The following AFF2 variants were observed in gnomAD, a reference collection of about 807,000 sequenced individuals.
The protein encoded by AFF2 is AF4/FMR2 family member 2.
Under a neutral mutation model 76.9 loss-of-function variants are expected in AFF2, and 14 were observed. The ratio of observed to expected loss-of-function variants is 0.18; its 90% CI spans 0.12 to 0.28. AFF2 has a LOEUF of 0.28. AFF2 is among the 10% of genes least tolerant of loss of function. The probability of loss-of-function intolerance (pLI) is 1.00; values close to 1 mark genes in which losing one functional copy is unlikely to be tolerated. For synonymous variants in AFF2, 398 were observed against 366.7 expected, an observed-to-expected ratio of 1.09 and a Z score of -0.98; for missense variants, 868 against 1,001.1, an observed-to-expected ratio of 0.87 and a Z score of 1.79.
intron 4 of AFF2, among the ~76,000 whole-genome samples, chrX:148,834,505 ATGTGTGTGTGTGTGTG>A (rs61709112): frequency 2.8e-4 from 26 of 91,687 alleles, no homozygotes; most frequent in African/African-American, 2.4e-4. Context: ...CCAGTCTCAG[ATGTGTGTGTGTGTGTG>A]TGTGTGTGTG....
chrX:148,825,018 A>C (rs1256586296), intron 4 of AFF2, among the ~76,000 whole-genome samples: 2 of 111,244 alleles, frequency 1.8e-5, no homozygotes, highest in Admixed American at 9.6e-5. Context: ...ACTCACTCTG[A>C]GGTGACAGAC....
At chrX:148,806,758 GT>G (rs2070140453) in intron 3 of AFF2, among the ~76,000 whole-genome samples, 1 of 111,951 alleles carries the variant, frequency 8.9e-6, no homozygotes, top group African/African-American at 3.3e-5. Context: ...GTTTCTAATT[GT>G]TTGTTTTCCT....
At chrX:148,824,574 C>A (rs1399238843) in intron 4 of AFF2, among the ~76,000 whole-genome samples, 1 of 111,376 alleles carries the variant, frequency 9.0e-6, no homozygotes, top group Non-Finnish European at 1.9e-5. Context: ...CCATAAAGTT[C>A]GAGAATAAAA....
chrX:148,811,404 G>A (rs1214544237), intron 4 of AFF2, among the ~76,000 whole-genome samples: 2 of 111,341 alleles, frequency 1.8e-5, no homozygotes, highest in Non-Finnish European at 3.8e-5. Flanking sequence ...GGGGCCCGAC[G>A]TTTTGGGTGG....
intron 1 of AFF2, among the ~76,000 whole-genome samples, chrX:148,537,171 A>G (rs2052794944): frequency 8.9e-6 from 1 of 112,336 alleles, no homozygotes; most frequent in Admixed American, 9.4e-5. Context: ...TTTCTTGCTT[A>G]AAAATATTTC....
At chrX:148,990,438 T>A (rs1557292135) in intron 20 of AFF2, among the ~76,000 whole-genome samples, 1 of 112,439 alleles carries the variant, frequency 8.9e-6, no homozygotes, top group Non-Finnish European at 1.9e-5. Flanking sequence ...AATTCGTACA[T>A]GAAAAGGGAA....
At chrX:148,502,577 A>G (rs782555455) in intron 1 of AFF2, among the ~76,000 whole-genome samples, 1 of 112,868 alleles carries the variant, frequency 8.9e-6, no homozygotes. Context: ...TTGTTACATT[A>G]AAAAATGCTG....
Position 148,997,410 on chromosome X carries a change from C to A in AFF2, c.*6078C>A, listed in dbSNP as rs1398615409. 1 of 111,903 alleles carries A rather than the reference C, an allele frequency of 8.9e-6. No homozygotes were observed. Among genetic ancestry groups the A allele is most frequent in the Non-Finnish European group, 1.9e-5 (1 of 53,218 alleles). 9.2% of individuals were successfully genotyped at this position (111,903 alleles called of 1,213,427 possible). A position where few individuals can be genotyped will look rare whatever the true frequency, so the allele number is the denominator to read the frequency against. On this transcript the variant is annotated 3_prime_UTR_variant, in exon 21 of 21. Coordinates refer to ENST00000370460, the MANE Select transcript of AFF2 (RefSeq NM_002025.4). ...AAGAATTCATTCTCCTGGTCCTGTGCATCTTCTGCAGTTAATAAGAGGTTT... is the reference window on the plus strand; with the variant it reads ...AAGAATTCATTCTCCTGGTCCTGTGAATCTTCTGCAGTTAATAAGAGGTTT...
chrX:148,888,198 C>G (rs782539309), intron 8 of AFF2, among the ~76,000 whole-genome samples: 2 of 111,152 alleles, frequency 1.8e-5, no homozygotes, highest in African/African-American at 3.3e-5. Context: ...TCCCCCTCCC[C>G]CTAACCCCGA....
intron 3 of AFF2, among the ~76,000 whole-genome samples, chrX:148,754,696 T>C (rs1316761759): frequency 4.5e-5 from 5 of 111,494 alleles, no homozygotes; most frequent in Non-Finnish European, 1.9e-5. Context: ...TTATACATTG[T>C]TGAAGGAACA....
rs201101666 is a variant in AFF2 at position 148,581,565 on chromosome X, T to C, written c.48-70434T>C. Among the ~76,000 whole-genome samples, 189 of 22,518 alleles carry C rather than the reference T, an allele frequency of 8.4e-3. 39 individuals carry two copies. The highest frequency in any genetic ancestry group is 0.029 in the Middle Eastern group (1 of 35). The allele number at this position is 22,518 out of a possible 115,157, so 19.6% of individuals were successfully genotyped here. ...ATACGTCTACGTGTACACACATATA[T>C]ACGTATACGTATACGTGTACACACA... On this transcript the variant is annotated intron_variant, in intron 1 of 20. Transcript: ENST00000370460.
chrX:148,827,424 T>C (rs1034551803), intron 4 of AFF2, among the ~76,000 whole-genome samples: 1 of 111,957 alleles, frequency 8.9e-6, no homozygotes, highest in Non-Finnish European at 1.9e-5. Flanking sequence ...ATGCCTTGTG[T>C]ACTTCTTTGA....
chrX:148,636,018 T>G (rs1460779576), intron 1 of AFF2, among the ~76,000 whole-genome samples: 3 of 109,390 alleles, frequency 2.7e-5, no homozygotes, highest in Non-Finnish European at 5.7e-5. Flanking sequence ...AGTGTGTGGA[T>G]ATATATATAT....
chrX:148,740,561 T>C (rs1207133087), intron 3 of AFF2, among the ~76,000 whole-genome samples: 1 of 112,291 alleles, frequency 8.9e-6, no homozygotes, highest in Non-Finnish European at 1.9e-5. Flanking sequence ...ACTTCTTGTA[T>C]CATTTTTTGG....
chrX:148,697,662 A>G (rs1180416424), intron 3 of AFF2, among the ~76,000 whole-genome samples: 2 of 110,632 alleles, frequency 1.8e-5, no homozygotes, highest in Non-Finnish European at 3.8e-5. Flanking sequence ...CCCATTAGAA[A>G]AAAAAAAAGA....
chrX:148,655,947 G>T (rs948220597), intron 2 of AFF2, among the ~76,000 whole-genome samples: 1 of 111,918 alleles, frequency 8.9e-6, no homozygotes, highest in Admixed American at 9.4e-5. Flanking sequence ...GGTGGGTCAA[G>T]ACTTTCAGGA....
At position 148,757,860 on chromosome X, in the gene AFF2, G is replaced by C. The variant is rs181881424; in HGVS notation, c.1042-52016G>C. ...TCTCATGCATCTCTCTGCTTTATAA[G>C]CTGGGAAGAGAACCAGCAATATCAA... On this transcript the variant is annotated intron_variant, in intron 3 of 20. Transcript: ENST00000370460. Among the ~76,000 whole-genome samples, 34 of 112,025 alleles carry C rather than the reference G, an allele frequency of 3.0e-4. No homozygotes were observed. In the East Asian group the frequency reaches 9.0e-3, roughly 30 times the overall value.
intron 1 of AFF2, among the ~76,000 whole-genome samples, chrX:148,527,238 C>T (rs1203260664): frequency 8.9e-6 from 1 of 111,779 alleles, no homozygotes; most frequent in Non-Finnish European, 1.9e-5. Flanking sequence ...AGTACATAAT[C>T]TGGATTTAAC....
At chrX:148,815,506 A>G (rs1168364521) in intron 4 of AFF2, among the ~76,000 whole-genome samples, 1 of 111,809 alleles carries the variant, frequency 8.9e-6, no homozygotes, top group African/African-American at 3.2e-5. Context: ...AACACAAACC[A>G]ACCCAGAAGA....
Sources: allele counts gnomAD v4.1 joint callset (sites outside exome capture counted in the v4.1 genomes callset), GRCh38; gene constraint gnomAD v4.1.1; transcripts MANE v1.5; gene names NCBI Gene and HGNC (gene_info 2026-07-23, HGNC 2026-07-21).